CDYL: variants seen among roughly 807,000 people sequenced by gnomAD.
CDYL encodes chromodomain Y-like protein.
In CDYL, 8 loss-of-function variants were observed where a neutral mutation model predicts 47.3. That is an observed-to-expected ratio of 0.17 (90% CI 0.10 to 0.31). The LOEUF is 0.31. Ranked by LOEUF, CDYL falls within the 10% of genes least tolerant of loss-of-function variation. The pLI is 1.00. For synonymous variants in CDYL, 266 were observed against 265.0 expected (o/e 1.00, Z -0.04); for missense variants, 471 against 701.4 (o/e 0.67, Z 3.71).
chr6:4,932,168 G>T (rs995791957), intron 2 of CDYL, among the ~76,000 whole-genome samples: 3 of 152,182 alleles, frequency 2.0e-5, no homozygotes, highest in Non-Finnish European at 2.9e-5. Context: ...AGCCATTTGG[G>T]CTGCCTTAAC....
chr6:4,900,779 G>GTGTGTGTGTGTGTATGTATATATA, intron 2 of CDYL, among the ~76,000 whole-genome samples: 1 of 51,706 alleles, frequency 1.9e-5, no homozygotes, highest in African/African-American at 6.3e-5. Flanking sequence ...GTATACGTGT[G>GTGTGTGTGTGTGTATGTATATATA]TATATATATA....
At chr6:4,803,010 C>G (rs916624871) in intron 1 of CDYL, among the ~76,000 whole-genome samples, 4 of 152,190 alleles carry the variant, frequency 2.6e-5, no homozygotes, top group African/African-American at 9.7e-5. Flanking sequence ...CCACACTATC[C>G]CTTTCCTGCT....
At chr6:4,931,651 C>T (rs1758036771) in intron 2 of CDYL, among the ~76,000 whole-genome samples, 1 of 152,172 alleles carries the variant, frequency 6.6e-6, no homozygotes, top group Admixed American at 6.5e-5. Flanking sequence ...GAATACTTCT[C>T]TACCTAAATA....
chr6:4,816,309 A>C (rs114985472), intron 1 of CDYL, among the ~76,000 whole-genome samples: 2 of 151,530 alleles, frequency 1.3e-5, no homozygotes, highest in Non-Finnish European at 2.9e-5. Context: ...GTTGACTTTA[A>C]GAGTTTTATT....
At chr6:4,806,087 A>G (rs929054175) in intron 1 of CDYL, among the ~76,000 whole-genome samples, 11 of 152,248 alleles carry the variant, frequency 7.2e-5, no homozygotes, top group Non-Finnish European at 1.3e-4. Flanking sequence ...TACATGCCGC[A>G]GGGACGCAAG....
intron 1 of CDYL, among the ~76,000 whole-genome samples, chr6:4,846,130 T>C (rs1581208044): frequency 6.6e-6 from 1 of 151,292 alleles, no homozygotes; most frequent in African/African-American, 2.4e-5. Context: ...ATTTTATAAA[T>C]GCAAATTCTG....
intron 1 of CDYL, among the ~76,000 whole-genome samples, chr6:4,836,752 T>G (rs982563665): frequency 6.6e-6 from 1 of 152,320 alleles, no homozygotes; most frequent in Non-Finnish European, 1.5e-5. Context: ...TGGTCTCTAG[T>G]GTGGCTGAAG....
intron 2 of CDYL, among the ~76,000 whole-genome samples, chr6:4,895,589 C>T (rs923325220): frequency 7.3e-5 from 11 of 150,678 alleles, no homozygotes; most frequent in Non-Finnish European, 1.6e-4. Context: ...TTTTGAGAAC[C>T]CTTGATTTTC....
intron 3 of CDYL, among the ~76,000 whole-genome samples, chr6:4,765,609 G>T (rs1758240423): frequency 6.6e-6 from 1 of 151,642 alleles, no homozygotes; most frequent in East Asian, 1.9e-4. Flanking sequence ...TGTCGCGCAG[G>T]CTGGAGTGCA....
At chr6:4,735,939 A>G (rs772185818) in intron 3 of CDYL, among the ~76,000 whole-genome samples, 29 of 151,862 alleles carry the variant, frequency 1.9e-4, no homozygotes, top group Non-Finnish European at 3.2e-4. Flanking sequence ...CTAACAGTTA[A>G]GATCTACCCT....
chr6:4,811,932 C>T (rs553822290), intron 1 of CDYL, among the ~76,000 whole-genome samples: 2 of 152,282 alleles, frequency 1.3e-5, no homozygotes, highest in Admixed American at 1.3e-4. Context: ...GTGTTGGTCT[C>T]CCCTGGAACC....
intron 1 of CDYL, among the ~76,000 whole-genome samples, chr6:4,712,104 T>C (rs1757162564): frequency 6.6e-6 from 1 of 151,948 alleles, no homozygotes; most frequent in Non-Finnish European, 1.5e-5. Flanking sequence ...TATATAACAG[T>C]TAAGTAGAAG....
chr6:4,835,448 G>A (rs567670051), intron 1 of CDYL, among the ~76,000 whole-genome samples: 1 of 152,326 alleles, frequency 6.6e-6, no homozygotes, highest in Admixed American at 6.5e-5. Flanking sequence ...TCTCAGAGGA[G>A]TACCCGGCCA....
At chr6:4,763,301 A>G (rs1758204110) in intron 3 of CDYL, among the ~76,000 whole-genome samples, 1 of 152,170 alleles carries the variant, frequency 6.6e-6, no homozygotes, top group Non-Finnish European at 1.5e-5. Flanking sequence ...ACAAAACAAA[A>G]CAAAAAAACC....
chr6:4,894,874 C>CGTGT lies in CDYL; in HGVS notation c.691+2495_691+2496insGTGT, dbSNP rs1561692261. Among the ~76,000 whole-genome samples, 877 of 147,282 alleles carry CGTGT rather than the reference C, an allele frequency of 6.0e-3. 18 individuals carry two copies. The highest frequency in any genetic ancestry group is 0.021 in the African/African-American group (802 of 38,012). ...GTGTGTGTATATGTGTATATACACA[C>CGTGT]ATGTGTATGTGTGTGTATATATACA... On this transcript the variant is annotated intron_variant, in intron 2 of 6. Transcript: ENST00000397588.
At chr6:4,925,654 G>A (rs956511633) in intron 2 of CDYL, among the ~76,000 whole-genome samples, 3 of 152,036 alleles carry the variant, frequency 2.0e-5, no homozygotes, top group African/African-American at 7.2e-5. Flanking sequence ...CTGCCCTCGT[G>A]ATCCGCCCAC....
chr6:4,916,454 G>A (rs181402481), intron 2 of CDYL, among the ~76,000 whole-genome samples: 1 of 152,342 alleles, frequency 6.6e-6, no homozygotes, highest in Non-Finnish European at 1.5e-5. Flanking sequence ...CTCGACTGAA[G>A]AGAACTAAAA....
At chr6:4,853,439 C>T (rs1237121049) in intron 1 of CDYL, among the ~76,000 whole-genome samples, 2 of 152,160 alleles carry the variant, frequency 1.3e-5, no homozygotes, top group Non-Finnish European at 2.9e-5. Context: ...ACCTCCAAAC[C>T]GTTGTTCCTA....
At chr6:4,785,740 G>A (rs1159544769) in intron 1 of CDYL, among the ~76,000 whole-genome samples, 1 of 152,214 alleles carries the variant, frequency 6.6e-6, no homozygotes, top group Non-Finnish European at 1.5e-5. Flanking sequence ...GGAGACTGTT[G>A]ACATTTCCTT....
Sources: gnomAD v4.1 joint callset for allele counts (sites outside exome capture counted in the v4.1 genomes callset) on GRCh38, gnomAD v4.1.1 for gene constraint, MANE v1.5 for transcripts, NCBI Gene and HGNC (gene_info 2026-07-23, HGNC 2026-07-21) for gene names.